Variants in ABCA6 observed in about 807,000 individuals in gnomAD.
ABCA6 encodes the protein ATP binding cassette subfamily A member 6.
Under a neutral mutation model 191.2 loss-of-function variants are expected in ABCA6, and 164 were observed. The observed-to-expected ratio is 0.86, with a 90% confidence interval of 0.76 to 0.98. The LOEUF is 0.98. ABCA6 is among the 50% of genes least tolerant of loss of function. The pLI is 0.00. For synonymous variants in ABCA6, 636 were observed against 647.7 expected, an observed-to-expected ratio of 0.98 and a Z score of 0.27; for missense variants, 1,958 against 1,894.1, an observed-to-expected ratio of 1.03 and a Z score of -0.63.
intron 25 of ABCA6, 37 bp downstream of exon 25, chr17:69,096,203 A>G: frequency 9.6e-7 from 1 of 1,040,114 alleles, no homozygotes. Context: ...TTTAAAAAAT[A>G]ACACTATTTC....
intron 25 of ABCA6, among the ~76,000 whole-genome samples, chr17:69,093,911 C>G (rs2072989280): frequency 6.6e-6 from 1 of 152,156 alleles, no homozygotes; most frequent in Non-Finnish European, 1.5e-5. Flanking sequence ...TTTACTATTA[C>G]ACTGCGGTGT....
Position 69,136,266 on chromosome 17 carries a change from T to C in ABCA6, c.302-16A>G. On this transcript the variant is annotated splice_polypyrimidine_tract_variant and intron_variant, in intron 3 of 38. Coordinates refer to ENST00000284425, the MANE Select transcript of ABCA6 (RefSeq NM_080284.3). ...ACACTTGTTCCTGTGAATTACAAGG[T>C]AAAAATAGACATAGAAAATTGTAAG... The C allele has an allele frequency of 6.8e-7, 1 of 1,474,866 alleles. No homozygotes were observed. The highest frequency in any genetic ancestry group is 9.0e-7 in the Non-Finnish European group (1 of 1,111,278). The allele number at this position is 1,474,866 out of a possible 1,614,324, so 91.4% of individuals were successfully genotyped here. A position where few individuals can be genotyped will look rare whatever the true frequency, so the allele number is the denominator to read the frequency against.
chr17:69,117,025 A>G (rs893038989), intron 11 of ABCA6, among the ~76,000 whole-genome samples: 1 of 152,096 alleles, frequency 6.6e-6, no homozygotes, highest in Non-Finnish European at 1.5e-5. Context: ...AAATTATTTC[A>G]GTATCTCCTG....
At position 69,137,851 on chromosome 17, in the gene ABCA6, G is replaced by T. The variant is rs1269377489; in HGVS notation, c.97-351C>A. Among the ~76,000 whole-genome samples the T allele has an allele frequency of 2.6e-5, 4 of 152,078 alleles. 1 individual carries two copies. The highest frequency in any genetic ancestry group is 2.0e-4 in the Admixed American group (3 of 15,250). On this transcript the variant is annotated intron_variant, in intron 2 of 38. Coordinates refer to ENST00000284425, the MANE Select transcript of ABCA6 (RefSeq NM_080284.3). The stretch of plus-strand genomic sequence containing the variant: ...AGTATCCTAGATAGAGTTTATGGTG[G>T]CAAATAGCAATATTTTTGCCAGTTG...
rs1331041345 is a variant in ABCA6, at chr17:69,079,077, A to G, written c.4753-3T>C. 4.4e-6 allele frequency: 7 copies of G among 1,592,938 alleles called. No homozygotes were observed. The highest frequency in any genetic ancestry group is 1.7e-5 in the Admixed American group (1 of 58,398). ...TCTTTAGAAAGCTCTAAGAATACCT[A>G]ATTAGGAGACAAAGAAGAAGGAAAG... On this transcript the variant is annotated splice_region_variant and splice_polypyrimidine_tract_variant and intron_variant, in intron 38 of 38. Transcript: ENST00000284425.
At chr17:69,137,004 T>C (rs1394078248) in intron 3 of ABCA6, among the ~76,000 whole-genome samples, 1 of 152,194 alleles carries the variant, frequency 6.6e-6, no homozygotes, top group East Asian at 1.9e-4. Context: ...CAATTTTCAA[T>C]TACTATATTC....
chr17:69,081,065 C>T lies in ABCA6; in HGVS notation c.4696+1G>A, dbSNP rs1261048501. On this transcript the variant is annotated splice_donor_variant, in intron 37 of 38. Transcript: ENST00000284425. LOFTEE classifies it high-confidence loss of function. The stretch of plus-strand genomic sequence containing the variant: ...ATTTATTTGAATGTGGTCACTCTTA[C>T]CTGCTTCTAATTTGTGAAAGGTCTG... 6.3e-7 allele frequency: 1 copy of T among 1,584,726 alleles called. No individual in the cohort carries two copies.
chr17:69,113,740 A>G lies in ABCA6; in HGVS notation c.1783-3T>C, dbSNP rs1043721948. The G allele has an allele frequency of 1.9e-6, 3 of 1,606,710 alleles. No homozygotes were observed. The highest frequency in any genetic ancestry group is 1.7e-5 in the Admixed American group (1 of 58,492). ...AATTCCAATAATATTCGTTGTACCT[A>G]TATGAGAAAATACGCAACTTTTAAA... On this transcript the variant is annotated splice_region_variant and splice_polypyrimidine_tract_variant and intron_variant, in intron 13 of 38. Coordinates refer to ENST00000284425, the MANE Select transcript of ABCA6 (RefSeq NM_080284.3).
intron 25 of ABCA6, among the ~76,000 whole-genome samples, chr17:69,092,270 G>T (rs2144626966): frequency 6.6e-6 from 1 of 152,208 alleles, no homozygotes; most frequent in Non-Finnish European, 1.5e-5. Flanking sequence ...TAAATTCACT[G>T]AATATTACAT....
chr17:69,114,227 G>C (rs991863907), intron 13 of ABCA6, among the ~76,000 whole-genome samples: 9 of 152,060 alleles, frequency 5.9e-5, no homozygotes, highest in African/African-American at 2.2e-4. Context: ...GGAATACTAT[G>C]CAGCCCATAA....
At chr17:69,091,796 AC>A (rs2072929680) in intron 25 of ABCA6, among the ~76,000 whole-genome samples, 1 of 19,278 alleles carries the variant, frequency 5.2e-5, no homozygotes, top group East Asian at 3.8e-4. Context: ...TGCTGGGATT[AC>A]AGGCGTGAGC....
intron 11 of ABCA6, among the ~76,000 whole-genome samples, chr17:69,116,575 A>G (rs1273804457): frequency 1.3e-5 from 2 of 152,144 alleles, no homozygotes; most frequent in African/African-American, 4.8e-5. Context: ...AAGGCTGTTC[A>G]TTCTAGTATT....
chr17:69,079,606 A>G (rs2072579786), intron 37 of ABCA6, among the ~76,000 whole-genome samples: 1 of 152,174 alleles, frequency 6.6e-6, no homozygotes, highest in African/African-American at 2.4e-5. Flanking sequence ...TCTTTAAGAG[A>G]ACTCAAAACT....
At chr17:69,107,030 C>T (rs2073321966) in intron 18 of ABCA6, among the ~76,000 whole-genome samples, 1 of 152,066 alleles carries the variant, frequency 6.6e-6, no homozygotes, top group South Asian at 2.1e-4. Context: ...ACTAAGGTAT[C>T]AATCATTTAG....
At chr17:69,105,319 C>T in intron 20 of ABCA6, 143 bp downstream of exon 20, 1 of 793,530 alleles carries the variant, frequency 1.3e-6, no homozygotes. Context: ...TAAATCTGCA[C>T]TGTTCCTCAT....
At chr17:69,085,519 C>CAAAAAAAAAAAAAA (rs35438104) in intron 31 of ABCA6, 106 bp downstream of exon 31, 9 of 474,598 alleles carry the variant, frequency 1.9e-5, no homozygotes, top group African/African-American at 5.4e-5. Flanking sequence ...TATCCAAAGG[C>CAAAAAAAAAAAAAA]AAAAAAAAAA....
chr17:69,107,739 A>C lies in ABCA6; in HGVS notation c.2346T>G (p.Asn782Lys). 3.7e-6 allele frequency: 6 copies of C among 1,612,928 alleles called. No individual in the cohort carries two copies. The highest frequency in any genetic ancestry group is 3.4e-6 in the Non-Finnish European group (4 of 1,179,284). Reference sequence around the variant, plus strand: ...GTCCTTCCAGTTTCATAAAGACTTCATTTAGAGTTGACATGGAAATGTCAT... The same window carrying C: ...GTCCTTCCAGTTTCATAAAGACTTCCTTTAGAGTTGACATGGAAATGTCAT... ...TGYDISMSTL[N>K]EVFMKLEGQS... is the part of the protein sequence containing the mutation. Residue 782 changes from asparagine to lysine, a missense_variant, in exon 18 of 39, where the codon AAT becomes AAG. Physicochemically the swap from Asn to Lys is moderately conservative, Grantham distance 94. Coordinates refer to ENST00000284425, the MANE Select transcript of ABCA6 (RefSeq NM_080284.3).
At chr17:69,095,991 C>T (rs2073036660) in intron 25 of ABCA6, among the ~76,000 whole-genome samples, 1 of 152,152 alleles carries the variant, frequency 6.6e-6, no homozygotes, top group Non-Finnish European at 1.5e-5. Flanking sequence ...GAGACATAAA[C>T]TCAACAGGAC....
intron 30 of ABCA6, 72 bp downstream of exon 30, chr17:69,086,546 G>C: frequency 1.3e-6 from 1 of 785,960 alleles, no homozygotes; most frequent in Non-Finnish European, 2.0e-6. Context: ...GAGTAAAACT[G>C]TGCCTATGAC....
Sources: allele counts gnomAD v4.1 joint callset (sites outside exome capture counted in the v4.1 genomes callset), GRCh38; gene constraint gnomAD v4.1.1; transcripts MANE v1.5; gene names NCBI Gene and HGNC (gene_info 2026-07-23, HGNC 2026-07-21).